The following TLK1 variants were observed in gnomAD, a reference collection of about 807,000 sequenced individuals.
TLK1 encodes tousled like kinase 1, also known as serine/threonine-protein kinase tousled-like 1.
A neutral mutation model predicts 105.3 loss-of-function variants in TLK1; 24 were observed. That is an observed-to-expected ratio of 0.23 (90% CI 0.17 to 0.32). TLK1 has a LOEUF of 0.32. TLK1 is among the 10% of genes least tolerant of loss of function. The pLI is 1.00. For missense variants in TLK1, 558 were observed against 910.5 expected (o/e 0.61, Z 4.98); for synonymous variants, 321 against 310.4 (o/e 1.03, Z -0.36).
intron 1 of TLK1, among the ~76,000 whole-genome samples, chr2:171,157,153 C>T (rs1325663188): frequency 6.6e-6 from 1 of 152,124 alleles, no homozygotes; most frequent in Non-Finnish European, 1.5e-5. Flanking sequence ...AAAAGTAAAG[C>T]AAATTATTTA....
intron 1 of TLK1, chr2:171,154,398 G>T (rs1188099110): frequency 6.6e-6 from 1 of 151,870 alleles, no homozygotes; most frequent in African/African-American, 2.4e-5. Flanking sequence ...ATGAAAAGAG[G>T]CTGTAAAGTA....
intron 1 of TLK1, among the ~76,000 whole-genome samples, chr2:171,154,249 A>G (rs1328606169): frequency 2.0e-5 from 3 of 152,134 alleles, no homozygotes; most frequent in Admixed American, 2.0e-4. Flanking sequence ...CTCTTCAAGA[A>G]ACATTTCTTT....
chr2:171,136,868 AT>A (rs1193683690), intron 1 of TLK1, among the ~76,000 whole-genome samples: 4 of 152,248 alleles, frequency 2.6e-5, no homozygotes, highest in Non-Finnish European at 5.9e-5. Context: ...AGGTAAAAAA[AT>A]CAAGACTACT....
intron 1 of TLK1, among the ~76,000 whole-genome samples, chr2:171,204,143 C>G (rs190907101): frequency 6.6e-6 from 1 of 152,208 alleles, no homozygotes; most frequent in Admixed American, 6.5e-5. Flanking sequence ...AAATTTAAAA[C>G]TTGTGATTAG....
chr2:171,123,534 G>T (rs1035419573), intron 1 of TLK1, among the ~76,000 whole-genome samples: 5 of 152,318 alleles, frequency 3.3e-5, no homozygotes, highest in African/African-American at 1.2e-4. Flanking sequence ...CAGGCTAAAC[G>T]CAGTGGCTCA....
intron 3 of TLK1, among the ~76,000 whole-genome samples, chr2:171,077,269 C>A (rs894281362): frequency 2.0e-5 from 3 of 152,230 alleles, no homozygotes; most frequent in East Asian, 1.9e-4. Context: ...CTATGAATAA[C>A]CCTGCCCAAC....
At chr2:171,012,598 T>G (rs996759913) in intron 13 of TLK1, among the ~76,000 whole-genome samples, 1 of 151,924 alleles carries the variant, frequency 6.6e-6, no homozygotes, top group Non-Finnish European at 1.5e-5. Context: ...TCTGCCTCAG[T>G]CTCCCAATTA....
In TLK1 at chr2:171,101,303, G is replaced by A. The variant is rs961113095; in HGVS notation, c.258+16436C>T. On this transcript the variant is annotated intron_variant, in intron 2 of 20. Transcript: ENST00000431350. Reference sequence around the variant, plus strand: ...GGAGGTTGCAGTGAGCCAAGATAGCGCCACTGCACTCCAGCCTGGACAACA... The same window carrying A: ...GGAGGTTGCAGTGAGCCAAGATAGCACCACTGCACTCCAGCCTGGACAACA... 3.1e-5 allele frequency among the ~76,000 whole-genome samples: 4 copies of A among 130,724 alleles called. No individual in the cohort carries two copies. In the Admixed American group the frequency reaches 3.5e-4, roughly 12 times the overall value. The allele number at this position is 130,724 out of a possible 152,430, so 85.8% of individuals were successfully genotyped here. A position where few individuals can be genotyped will look rare whatever the true frequency, so the allele number is the denominator to read the frequency against.
intron 1 of TLK1, among the ~76,000 whole-genome samples, chr2:171,189,201 C>T (rs1007686572): frequency 5.7e-5 from 8 of 140,516 alleles, no homozygotes; most frequent in Admixed American, 2.2e-4. Context: ...GAGTCTTGCT[C>T]TGTCGCCCAG....
At chr2:171,029,547 T>G (rs1006523829) in intron 11 of TLK1, among the ~76,000 whole-genome samples, 4 of 152,168 alleles carry the variant, frequency 2.6e-5, no homozygotes, top group African/African-American at 9.7e-5. Context: ...CAGGTTGAAT[T>G]TGAACTCCTG....
intron 1 of TLK1, among the ~76,000 whole-genome samples, chr2:171,127,700 C>T (rs1010810900): frequency 3.3e-5 from 5 of 151,798 alleles, no homozygotes; most frequent in Non-Finnish European, 4.4e-5. Flanking sequence ...TAATTTTTTT[C>T]CAAAGGAAAA....
chr2:171,077,846 GA>G (rs1310066040), intron 3 of TLK1, among the ~76,000 whole-genome samples: 1 of 152,166 alleles, frequency 6.6e-6, no homozygotes, highest in Non-Finnish European at 1.5e-5. Flanking sequence ...ACAGCTTCTG[GA>G]AATTTTCATT....
chr2:171,021,906 T>A (rs974497231), intron 12 of TLK1, among the ~76,000 whole-genome samples: 2 of 152,002 alleles, frequency 1.3e-5, no homozygotes, highest in Admixed American at 6.6e-5. Flanking sequence ...GACACCAGCC[T>A]GACCAACATG....
At chr2:171,093,442 A>G (rs1689322754) in intron 2 of TLK1, among the ~76,000 whole-genome samples, 1 of 152,188 alleles carries the variant, frequency 6.6e-6, no homozygotes, top group Admixed American at 6.5e-5. Context: ...TCTGATGAAA[A>G]GAAAGGGCAT....
chr2:171,108,730 A>G (rs1199025868), intron 2 of TLK1, among the ~76,000 whole-genome samples: 3 of 152,052 alleles, frequency 2.0e-5, no homozygotes, highest in Admixed American at 6.6e-5. Context: ...CAGCCTCCCA[A>G]GAAGCTGGGA....
At chr2:171,161,195 C>T (rs1353053030), upstream of TLK1, among the ~76,000 whole-genome samples, 2 of 149,136 alleles carry the variant, frequency 1.3e-5, no homozygotes, top group African/African-American at 2.4e-5. Context: ...CGGAGGGAGG[C>T]GCGCCCCCGC....
At chr2:171,211,455 C>T (rs1381808533) in intron 1 of TLK1, among the ~76,000 whole-genome samples, 1 of 152,146 alleles carries the variant, frequency 6.6e-6, no homozygotes, top group Non-Finnish European at 1.5e-5. Flanking sequence ...TACAAAGATA[C>T]TTCATTGAGG....
In TLK1 at chr2:171,222,375, C is replaced by T. The variant is rs566693241; in HGVS notation, c.-6+8770G>A. ...TTTGAGACAGGGTCTTGCTCTGTTG[C>T]CGAGGCTGGAGTGGGACGATCACAG... On this transcript the variant is annotated intron_variant, in intron 1 of 20. Transcript: ENST00000521943. 2.6e-5 allele frequency among the ~76,000 whole-genome samples: 4 copies of T among 152,134 alleles called. No homozygotes were observed. The South Asian group carries it at 6.2e-4, about 24-fold the overall frequency.
chr2:171,207,100 T>C (rs181596276), intron 1 of TLK1, among the ~76,000 whole-genome samples: 7 of 152,390 alleles, frequency 4.6e-5, no homozygotes, highest in African/African-American at 1.7e-4. Flanking sequence ...TGCACATGGA[T>C]GTTTATAGAA....
Sources: allele counts gnomAD v4.1 joint callset (sites outside exome capture counted in the v4.1 genomes callset), GRCh38; gene constraint gnomAD v4.1.1; transcripts MANE v1.5; gene names NCBI Gene and HGNC (gene_info 2026-07-23, HGNC 2026-07-21).